The following ITPR2 variants were observed in gnomAD, a reference collection of about 807,000 sequenced individuals.
The protein encoded by ITPR2 is inositol 1,4,5-trisphosphate receptor type 2, also known as inositol 1,4,5-trisphosphate-gated calcium channel ITPR2.
A neutral mutation model predicts 317.1 loss-of-function variants in ITPR2; 207 were observed. The ratio of observed to expected loss-of-function variants is 0.65; its 90% CI spans 0.58 to 0.73. The LOEUF (loss-of-function observed/expected upper bound fraction) is 0.73. Among genes scored for constraint, ITPR2 ranks in the 30% least tolerant of loss-of-function variants. The pLI, the probability that ITPR2 is intolerant of heterozygous loss-of-function variation, is 0.00. For missense variants in ITPR2, 2,613 were observed against 3,284.0 expected, an observed-to-expected ratio of 0.80 and a Z score of 4.99; for synonymous variants, 1,156 against 1,149.1, an observed-to-expected ratio of 1.01 and a Z score of -0.12.
chr12:26,831,116 C>A lies in ITPR2; in HGVS notation c.92+1574G>T, dbSNP rs1164714700. ...ACGGAGGGTGAAGAGCAGCAGAGTC[C>A]ACCTGCAAAATGTTGCTGGAGGCCC... On this transcript the variant is annotated intron_variant, in intron 1 of 56. Coordinates refer to ENST00000381340, the MANE Select transcript of ITPR2 (RefSeq NM_002223.4). The surrounding 1 kb of genome is among the most constrained non-coding windows in gnomAD (Gnocchi z 4.9). 6.6e-6 allele frequency among the ~76,000 whole-genome samples: 1 copy of A among 152,158 alleles called. No homozygotes were observed. The highest frequency in any genetic ancestry group is 1.5e-5 in the Non-Finnish European group (1 of 68,036).
At chr12:26,483,973 G>T in intron 41 of ITPR2, 75 bp from the exon 42 acceptor site, 1 of 1,255,322 alleles carries the variant, frequency 8.0e-7, no homozygotes, top group Non-Finnish European at 1.1e-6. Context: ...CTTCCCATAT[G>T]TGTGCTTTTC....
intron 55 of ITPR2, among the ~76,000 whole-genome samples, chr12:26,386,996 C>T (rs1939686329): frequency 6.6e-6 from 1 of 152,132 alleles, no homozygotes; most frequent in African/African-American, 2.4e-5. Flanking sequence ...GACTGAACAT[C>T]ATACTATCCC....
intron 10 of ITPR2, among the ~76,000 whole-genome samples, chr12:26,689,047 T>C (rs1184789385): frequency 6.6e-6 from 1 of 152,222 alleles, no homozygotes; most frequent in Non-Finnish European, 1.5e-5. Context: ...GTTAATTTGC[T>C]TGACTAGAGT....
At chr12:26,618,956 A>C (rs1946433472) in intron 26 of ITPR2, among the ~76,000 whole-genome samples, 1 of 152,234 alleles carries the variant, frequency 6.6e-6, no homozygotes, top group South Asian at 2.1e-4. Flanking sequence ...CTAAGCAAGG[A>C]AAATGTTAAA....
At chr12:26,429,746 T>C (rs1013534156) in intron 48 of ITPR2, among the ~76,000 whole-genome samples, 1 of 152,232 alleles carries the variant, frequency 6.6e-6, no homozygotes, top group Non-Finnish European at 1.5e-5. Context: ...AATAAATAAC[T>C]AAGTCTCCAG....
chr12:26,743,050 G>A (rs1044037545), intron 2 of ITPR2, among the ~76,000 whole-genome samples: 4 of 152,138 alleles, frequency 2.6e-5, no homozygotes, highest in African/African-American at 7.2e-5. Flanking sequence ...GTGATGAAAA[G>A]GTTCTAGAAT....
intron 2 of ITPR2, among the ~76,000 whole-genome samples, chr12:26,752,631 T>A (rs1158256759): frequency 2.6e-5 from 4 of 152,234 alleles, no homozygotes; most frequent in African/African-American, 9.6e-5. Context: ...GGCAAGCTGC[T>A]GCACTTGGGG....
At chr12:26,518,301 A>G (rs1335681700) in intron 37 of ITPR2, among the ~76,000 whole-genome samples, 1 of 152,214 alleles carries the variant, frequency 6.6e-6, no homozygotes. Flanking sequence ...TCTCACTTAT[A>G]AGGAGGAGCT....
At chr12:26,391,908 A>G (rs1939862990) in intron 54 of ITPR2, among the ~76,000 whole-genome samples, 1 of 152,108 alleles carries the variant, frequency 6.6e-6, no homozygotes, top group East Asian at 1.9e-4. Flanking sequence ...ATTCAGAGCT[A>G]TACTTCAAGT....
intron 48 of ITPR2, among the ~76,000 whole-genome samples, chr12:26,430,844 C>T (rs1941186485): frequency 6.6e-6 from 1 of 152,126 alleles, no homozygotes; most frequent in Non-Finnish European, 1.5e-5. Context: ...CTATAGTTTC[C>T]TGTACAGAAC....
At chr12:26,381,629 G>A (rs1306661988) in intron 55 of ITPR2, among the ~76,000 whole-genome samples, 1 of 152,176 alleles carries the variant, frequency 6.6e-6, no homozygotes, top group Non-Finnish European at 1.5e-5. Flanking sequence ...ACAAAAACAT[G>A]AGTTAAATTG....
chr12:26,489,478 A>T (rs1236783215), intron 39 of ITPR2, among the ~76,000 whole-genome samples: 1 of 152,148 alleles, frequency 6.6e-6, no homozygotes, highest in Non-Finnish European at 1.5e-5. Context: ...TCGGTTTGAA[A>T]CCTATCTCTA....
chr12:26,637,588 CA>C (rs970908599), intron 21 of ITPR2, among the ~76,000 whole-genome samples: 38 of 151,524 alleles, frequency 2.5e-4, no homozygotes, highest in African/African-American at 8.2e-4. Context: ...ATAATATGTG[CA>C]AAAAAAGCCA....
At chr12:26,608,833 A>G (rs1244652821) in intron 26 of ITPR2, among the ~76,000 whole-genome samples, 2 of 152,118 alleles carry the variant, frequency 1.3e-5, no homozygotes. Context: ...TCATACAGCA[A>G]TATGTCCCAG....
chr12:26,528,696 C>A (rs916585402), intron 37 of ITPR2, among the ~76,000 whole-genome samples: 1 of 152,202 alleles, frequency 6.6e-6, no homozygotes, highest in Non-Finnish European at 1.5e-5. Context: ...CAAAGGGGGA[C>A]ATGTTTCTCC....
rs1169584008 is a variant in ITPR2, at chr12:26,653,300, A to G, written c.2740+676T>C. Reference sequence around the variant, plus strand: ...TCACTCTGTCGTCAGGCTGGAGTACAGTGGCACGATGTCAGCTCACTGCAA... The same window carrying G: ...TCACTCTGTCGTCAGGCTGGAGTACGGTGGCACGATGTCAGCTCACTGCAA... On this transcript the variant is annotated intron_variant, in intron 21 of 56. Transcript: ENST00000381340. 2.8e-5 allele frequency among the ~76,000 whole-genome samples: 4 copies of G among 140,856 alleles called. No individual in the cohort carries two copies. The East Asian group carries it at 8.3e-4, about 29-fold the overall frequency. The allele number at this position is 140,856 out of a possible 152,430, so 92.4% of individuals were successfully genotyped here. A position where few individuals can be genotyped will look rare whatever the true frequency, so the allele number is the denominator to read the frequency against.
At chr12:26,463,996 C>T (rs1281525069) in intron 45 of ITPR2, among the ~76,000 whole-genome samples, 4 of 152,146 alleles carry the variant, frequency 2.6e-5, no homozygotes, top group African/African-American at 4.8e-5. Context: ...TAAATCTTAT[C>T]AATCCATAAG....
At chr12:26,757,416 A>G (rs1489563118) in intron 2 of ITPR2, among the ~76,000 whole-genome samples, 1 of 152,022 alleles carries the variant, frequency 6.6e-6, no homozygotes. Context: ...GGGCTTTGCC[A>G]TGTTGCTCAG....
At chr12:26,550,949 A>G (rs1944510167) in intron 36 of ITPR2, among the ~76,000 whole-genome samples, 1 of 152,194 alleles carries the variant, frequency 6.6e-6, no homozygotes, top group Admixed American at 6.5e-5. Context: ...TTTGGGTATA[A>G]TTTGGGCAAA....
Sources: gnomAD v4.1 joint callset for allele counts (sites outside exome capture counted in the v4.1 genomes callset) on GRCh38, gnomAD v4.1.1 for gene constraint, Gnocchi (gnomAD v3.1) non-coding constraint, MANE v1.5 for transcripts, NCBI Gene and HGNC (gene_info 2026-07-23, HGNC 2026-07-21) for gene names.